ZW10: variants seen among roughly 807,000 people sequenced by gnomAD.
ZW10 encodes centromere/kinetochore protein zw10 homolog.
ZW10 carries 53 observed loss-of-function variants against 87.8 expected under a neutral mutation model. The ratio of observed to expected loss-of-function variants is 0.60; its 90% CI spans 0.48 to 0.76. The LOEUF is 0.76. Ranked by LOEUF, ZW10 falls within the 30% of genes least tolerant of loss-of-function variation. ZW10 has a pLI of 0.00. For synonymous variants in ZW10, 312 were observed against 329.2 expected (o/e 0.95, Z 0.57); for missense variants, 837 against 923.0 (o/e 0.91, Z 1.21).
intron 10 of ZW10, among the ~76,000 whole-genome samples, chr11:113,742,217 T>C (rs760501054): frequency 6.6e-6 from 1 of 152,214 alleles, no homozygotes; most frequent in Admixed American, 6.5e-5. Flanking sequence ...CTTACCTCAA[T>C]GCAAGGAGGT....
chr11:113,772,467 C>T (rs1953976885), intron 1 of ZW10, among the ~76,000 whole-genome samples: 1 of 152,140 alleles, frequency 6.6e-6, no homozygotes, highest in East Asian at 1.9e-4. Flanking sequence ...AACTTGCTCC[C>T]TCGAAACCCT....
intron 9 of ZW10, among the ~76,000 whole-genome samples, chr11:113,746,495 C>CAAAAAAAAAAAAAAAAAAAACAAAA (rs1953678068): frequency 2.8e-5 from 3 of 105,338 alleles, no homozygotes; most frequent in African/African-American, 3.9e-5. Flanking sequence ...ACAAAACAGT[C>CAAAAAAAAAAAAAAAAAAAACAAAA]AAAAAAAAAA....
In ZW10 at chr11:113,760,688, CT is replaced by C. The variant is rs34889266; in HGVS notation, c.343-99del. The C allele has an allele frequency of 6.3e-3, 7,047 of 1,123,400 alleles. 168 individuals carry two copies. The highest frequency in any genetic ancestry group is 0.062 in the Admixed American group (2,204 of 35,586). The allele number at this position is 1,123,400 out of a possible 1,614,324, so 69.6% of individuals were successfully genotyped here. ...CTCCCACTTTCCCTCCCCCTCCCCCCTCTAAAAAAAAAAAAAGAAAGAAAAA... is the reference window on the plus strand; with the variant it reads ...CTCCCACTTTCCCTCCCCCTCCCCCCCTAAAAAAAAAAAAAGAAAGAAAAA... On this transcript the variant is annotated intron_variant, in intron 3 of 15. Transcript: ENST00000200135.
At position 113,737,553 on chromosome 11, in the gene ZW10, A is replaced by G. The variant is rs761712041; in HGVS notation, c.2016+19T>C. 3.8e-6 allele frequency: 6 copies of G among 1,581,744 alleles called. No individual in the cohort carries two copies. The East Asian group carries it at 6.7e-5, about 18-fold the overall frequency. On this transcript the variant is annotated intron_variant, in intron 14 of 15. Transcript: ENST00000200135. ...ATGAATTGCATCTCAAGGCTAGTGT[A>G]GCATCTAATGGCCCTTACCTCTAGG... is the stretch of plus-strand genomic sequence containing the variant.
At chr11:113,749,510 C>T (rs1198343388) in intron 7 of ZW10, among the ~76,000 whole-genome samples, 1 of 152,026 alleles carries the variant, frequency 6.6e-6, no homozygotes, top group Non-Finnish European at 1.5e-5. Flanking sequence ...GAAAAAATTG[C>T]ACAGAACTAC....
chr11:113,754,777 GAGGCCAGGTATCGCTATGTTACCC>G (rs1352795892), intron 7 of ZW10, among the ~76,000 whole-genome samples: 8 of 151,968 alleles, frequency 5.3e-5, no homozygotes, highest in East Asian at 1.9e-4. Flanking sequence ...TTTTTTAGTA[GAGGCCAGGTATCGCTATGTTACCC>G]AGGCCAGGTA....
chr11:113,751,670 C>T (rs905695837), intron 7 of ZW10, among the ~76,000 whole-genome samples: 3 of 152,088 alleles, frequency 2.0e-5, no homozygotes, highest in Admixed American at 2.0e-4. Flanking sequence ...GTCAAAAGTT[C>T]GAGACCAGTC....
At chr11:113,763,164 G>C (rs1953879577) in intron 2 of ZW10, among the ~76,000 whole-genome samples, 1 of 152,156 alleles carries the variant, frequency 6.6e-6, no homozygotes, top group South Asian at 2.1e-4. Flanking sequence ...GTGGCTTCCA[G>C]CTTCATCCAT....
intron 10 of ZW10, 60 bp downstream of exon 10, chr11:113,743,742 T>C: frequency 8.0e-7 from 1 of 1,254,994 alleles, no homozygotes; most frequent in Non-Finnish European, 1.2e-6. Flanking sequence ...CTGATAAACA[T>C]CTAGTTAGAT....
chr11:113,770,135 CTGGAATGCGGTGG>C (rs1953948881), intron 1 of ZW10: 1 of 132,208 alleles, frequency 7.6e-6, no homozygotes, highest in African/African-American at 3.1e-5. Context: ...GTCATCCAGG[CTGGAATGCGGTGG>C]TGGAATCTTG....
At chr11:113,762,250 A>G (rs1387239413) in intron 2 of ZW10, among the ~76,000 whole-genome samples, 1 of 152,162 alleles carries the variant, frequency 6.6e-6, no homozygotes, top group Admixed American at 6.5e-5. Context: ...TGTGTATCTA[A>G]ACACAGAAAA....
intron 7 of ZW10, among the ~76,000 whole-genome samples, chr11:113,756,198 C>T (rs1231001579): frequency 6.6e-6 from 1 of 152,000 alleles, no homozygotes; most frequent in Non-Finnish European, 1.5e-5. Context: ...GATGCAAATG[C>T]ACAGAGAAAA....
intron 7 of ZW10, chr11:113,751,349 C>T (rs536656203): frequency 1.3e-5 from 2 of 159,762 alleles, no homozygotes; most frequent in African/African-American, 4.8e-5. Context: ...TTAAATCATA[C>T]TTTTGATACA....
chr11:113,747,845 T>C, intron 8 of ZW10, 132 bp from the exon 9 acceptor site: 1 of 586,600 alleles, frequency 1.7e-6, no homozygotes, highest in Admixed American at 3.2e-5. Context: ...AATTACTAGG[T>C]ATAAAAATAT....
chr11:113,745,360 G>C (rs1012521598), intron 9 of ZW10, among the ~76,000 whole-genome samples: 1 of 150,564 alleles, frequency 6.6e-6, no homozygotes, highest in Non-Finnish European at 1.5e-5. Flanking sequence ...CCCACTGCAA[G>C]AATAACAACT....
At chr11:113,761,412 C>T (rs1431210508) in intron 2 of ZW10, among the ~76,000 whole-genome samples, 2 of 151,994 alleles carry the variant, frequency 1.3e-5, no homozygotes, top group Non-Finnish European at 2.9e-5. Flanking sequence ...GCTGAGTAGC[C>T]AGAACTACAG....
At chr11:113,736,853 T>G (rs1178871738) in intron 14 of ZW10, 31 bp from the exon 15 acceptor site, 1 of 1,606,826 alleles carries the variant, frequency 6.2e-7, no homozygotes, top group Non-Finnish European at 8.5e-7. Flanking sequence ...CACAATAGAA[T>G]AGAATTGGGC....
chr11:113,735,689 A>G (rs1363024168), intron 15 of ZW10, among the ~76,000 whole-genome samples: 3 of 152,200 alleles, frequency 2.0e-5, no homozygotes, highest in African/African-American at 7.2e-5. Flanking sequence ...TGAATGTGTA[A>G]CTGACCCACA....
chr11:113,767,629 A>C (rs918457928), intron 2 of ZW10, among the ~76,000 whole-genome samples: 21 of 152,044 alleles, frequency 1.4e-4, no homozygotes, highest in African/African-American at 5.1e-4. Context: ...TCTTTCTTCA[A>C]ACTGCAAGCA....
Sources: allele counts gnomAD v4.1 joint callset (sites outside exome capture counted in the v4.1 genomes callset), GRCh38; gene constraint gnomAD v4.1.1; transcripts MANE v1.5; gene names NCBI Gene and HGNC (gene_info 2026-07-23, HGNC 2026-07-21).